BTBD7: variants seen among roughly 807,000 people sequenced by gnomAD.
The protein encoded by BTBD7 is BTB/POZ domain-containing protein 7.
BTBD7 carries 38 observed loss-of-function variants against 99.9 expected under a neutral mutation model. The observed-to-expected ratio is 0.38, with a 90% CI of 0.29 to 0.50. The LOEUF (loss-of-function observed/expected upper bound fraction) is 0.50. Ranked by LOEUF, BTBD7 falls within the 20% of genes least tolerant of loss-of-function variation. The probability of loss-of-function intolerance (pLI) is 0.93; values close to 1 mark genes in which losing one functional copy is unlikely to be tolerated. For synonymous variants in BTBD7, 520 were observed against 511.4 expected (o/e 1.02, Z -0.23); for missense variants, 1,170 against 1,394.6 (o/e 0.84, Z 2.57).
In BTBD7 at chr14:93,332,941, G is replaced by A. The variant is rs1282790719; in HGVS notation, c.-228C>T. ...CACCCCCGGCCATCCTCCTCCCACC[G>A]CCGCCGCCGCCGCCCTCTCCTCTCC... On this transcript the variant is annotated 5_prime_UTR_variant, in exon 1 of 11. Transcript: ENST00000334746. 1.2e-4 allele frequency: 21 copies of A among 181,276 alleles called. No individual in the cohort carries two copies. The highest frequency in any genetic ancestry group is 1.4e-4 in the Non-Finnish European group (19 of 137,076). The allele number at this position is 181,276 out of a possible 1,614,324, so 11.2% of individuals were successfully genotyped here. A position where few individuals can be genotyped will look rare whatever the true frequency, so the allele number is the denominator to read the frequency against.
At position 93,239,941 on chromosome 14, in the gene BTBD7, T is replaced by C. The variant is rs942222009; in HGVS notation, c.*2332A>G. On this transcript the variant is annotated 3_prime_UTR_variant, in exon 11 of 11. Coordinates refer to ENST00000334746, the MANE Select transcript of BTBD7 (RefSeq NM_001002860.4). ...CAAATTAGGTCTGTTGAGTCTTACT[T>C]GCAGTACCGGCGCAGTACATGAACA... 1 of 152,160 alleles carries C rather than the reference T, an allele frequency of 6.6e-6. No homozygotes were observed. The highest frequency in any genetic ancestry group is 1.5e-5 in the Non-Finnish European group (1 of 68,022). 9.4% of individuals were successfully genotyped at this position (152,160 alleles called of 1,614,324 possible). A position where few individuals can be genotyped will look rare whatever the true frequency, so the allele number is the denominator to read the frequency against.
At chr14:93,283,347 G>T (rs1595308968) in intron 3 of BTBD7, among the ~76,000 whole-genome samples, 1 of 152,068 alleles carries the variant, frequency 6.6e-6, no homozygotes, top group East Asian at 1.9e-4. Context: ...CAAAGTGTTG[G>T]GATTACAAGT....
chr14:93,271,516 T>C (rs898697755), intron 3 of BTBD7, among the ~76,000 whole-genome samples: 4 of 152,286 alleles, frequency 2.6e-5, no homozygotes, highest in African/African-American at 7.2e-5. Flanking sequence ...GAAATAAGAA[T>C]TGAAGTACAA....
intron 1 of BTBD7, among the ~76,000 whole-genome samples, chr14:93,308,361 C>G (rs1379603597): frequency 6.6e-6 from 1 of 151,330 alleles, no homozygotes; most frequent in East Asian, 1.9e-4. Flanking sequence ...CAGCAAAAAG[C>G]CTCATGGATC....
At chr14:93,299,447 T>A (rs2052966808) in intron 1 of BTBD7, among the ~76,000 whole-genome samples, 1 of 152,162 alleles carries the variant, frequency 6.6e-6, no homozygotes, top group Non-Finnish European at 1.5e-5. Flanking sequence ...AATCTTTGTA[T>A]GATGCAACGG....
Position 93,242,373 on chromosome 14 carries a change from C to G in BTBD7, c.3299G>C (p.Gly1100Ala), listed in dbSNP as rs773164838. 1 of 1,614,214 alleles carries G rather than the reference C, an allele frequency of 6.2e-7. No homozygotes were observed. Residue 1100 changes from glycine (G) to alanine (A), a missense_variant, in exon 11 of 11, where the codon GGA (glycine) becomes GCA (alanine). Transcript: ENST00000334746. ...RLADSESLGHGAQRNTDLERE... is the reference protein window; with the variant it reads ...RLADSESLGHAAQRNTDLERE... ...TTCCAAATCTGTATTTCTCTGAGCT[C>G]CATGGCCCAGGGACTCACTGTCTGC...
At chr14:93,325,362 A>G (rs2053318794) in intron 1 of BTBD7, among the ~76,000 whole-genome samples, 1 of 152,084 alleles carries the variant, frequency 6.6e-6, no homozygotes, top group Admixed American at 6.6e-5. Flanking sequence ...TGCCGACCTC[A>G]GGTGATCCGC....
At chr14:93,329,019 C>T (rs1475588804) in intron 1 of BTBD7, among the ~76,000 whole-genome samples, 2 of 152,098 alleles carry the variant, frequency 1.3e-5, no homozygotes, top group African/African-American at 2.4e-5. Flanking sequence ...AAAAGAAAAT[C>T]TAGGTAAGCT....
In BTBD7 at chr14:93,242,022, C is replaced by A. The variant is rs778182264; in HGVS notation, c.*251G>T. ...GTAAAGAGAAATAAAAAGTGCCAGC[C>A]TGCTTGTTCTTAAAAATGCCTCCCG... On this transcript the variant is annotated 3_prime_UTR_variant, in exon 11 of 11. Coordinates refer to ENST00000334746, the MANE Select transcript of BTBD7 (RefSeq NM_001002860.4). 2.1e-6 allele frequency: 1 copy of A among 474,038 alleles called. No individual in the cohort carries two copies. The highest frequency in any genetic ancestry group is 3.7e-6 in the Non-Finnish European group (1 of 270,916). 29.4% of individuals were successfully genotyped at this position (474,038 alleles called of 1,614,324 possible). A position where few individuals can be genotyped will look rare whatever the true frequency, so the allele number is the denominator to read the frequency against.
At chr14:93,266,605 C>T (rs2052546261) in intron 3 of BTBD7, among the ~76,000 whole-genome samples, 1 of 151,996 alleles carries the variant, frequency 6.6e-6, no homozygotes, top group Admixed American at 6.6e-5. Flanking sequence ...CCATCCTCTT[C>T]TCCCATTAAA....
chr14:93,263,753 T>A, intron 4 of BTBD7, 32 bp downstream of exon 4: 2 of 1,578,390 alleles, frequency 1.3e-6, no homozygotes, highest in East Asian at 4.5e-5. Context: ...CACATATGAA[T>A]GACAGAGTTT....
chr14:93,258,116 T>A (rs1172279938), intron 5 of BTBD7, among the ~76,000 whole-genome samples: 1 of 138,744 alleles, frequency 7.2e-6, no homozygotes, highest in Non-Finnish European at 1.5e-5. Context: ...CTTAAAAAAA[T>A]TAACACAGAA....
In BTBD7 at chr14:93,261,684, T is replaced by C. The variant is rs1237937382; in HGVS notation, c.1372-7A>G. 1.5e-5 allele frequency: 24 copies of C among 1,586,638 alleles called. No homozygotes were observed. The highest frequency in any genetic ancestry group is 1.9e-5 in the Non-Finnish European group (22 of 1,160,740). On this transcript the variant is annotated splice_polypyrimidine_tract_variant and splice_region_variant and intron_variant, in intron 4 of 10. Coordinates refer to ENST00000334746, the MANE Select transcript of BTBD7 (RefSeq NM_001002860.4). ...GGATATCTTGTTCACTTGCCTATAA[T>C]AAAAAATGGTTTATATTTATTTTAG...
intron 3 of BTBD7, among the ~76,000 whole-genome samples, chr14:93,273,683 C>T (rs1236464997): frequency 6.6e-6 from 1 of 152,168 alleles, no homozygotes; most frequent in African/African-American, 2.4e-5. Context: ...CAGCAGCCTC[C>T]TTCATCTGGA....
intron 1 of BTBD7, among the ~76,000 whole-genome samples, chr14:93,297,768 C>T (rs1306978296): frequency 6.6e-6 from 1 of 152,114 alleles, no homozygotes; most frequent in African/African-American, 2.4e-5. Context: ...AGGTCAAATC[C>T]TAATCTCACT....
At chr14:93,278,556 A>C (rs1209690337) in intron 3 of BTBD7, among the ~76,000 whole-genome samples, 1 of 152,214 alleles carries the variant, frequency 6.6e-6, no homozygotes, top group Non-Finnish European at 1.5e-5. Context: ...GTGGAAGAGT[A>C]GCTGTGGAAT....
rs528784987 is a variant in BTBD7, at chr14:93,277,558, G to A, written c.1163-13565C>T. ...CCCAATTCCAATTCTCTTTAGCTGT[G>A]TGATGTGTGAAATCTTTGCCTGTTT... On this transcript the variant is annotated intron_variant, in intron 3 of 10. Transcript: ENST00000334746. 5.9e-5 allele frequency among the ~76,000 whole-genome samples: 9 copies of A among 152,314 alleles called. No homozygotes were observed. In the East Asian group the frequency reaches 1.7e-3, roughly 29 times the overall value.
intron 1 of BTBD7, among the ~76,000 whole-genome samples, chr14:93,310,420 T>A (rs2053123459): frequency 6.6e-6 from 1 of 151,122 alleles, no homozygotes; most frequent in Non-Finnish European, 1.5e-5. Context: ...CCCTTTACAA[T>A]TTTTTTTTGT....
intron 3 of BTBD7, among the ~76,000 whole-genome samples, chr14:93,270,949 T>C (rs1425286247): frequency 6.6e-6 from 1 of 152,220 alleles, no homozygotes; most frequent in Non-Finnish European, 1.5e-5. Context: ...TAGGATATTT[T>C]CTTTCTAATC....
Sources: allele counts gnomAD v4.1 joint callset (sites outside exome capture counted in the v4.1 genomes callset), GRCh38; gene constraint gnomAD v4.1.1; transcripts MANE v1.5; gene names NCBI Gene and HGNC (gene_info 2026-07-23, HGNC 2026-07-21).